The following ST8SIA5 variants were observed in gnomAD, a reference collection of about 807,000 sequenced individuals.
The protein encoded by ST8SIA5 is alpha-2,8-sialyltransferase 8E.
A neutral mutation model predicts 40.2 loss-of-function variants in ST8SIA5; 24 were observed. That is an observed-to-expected ratio of 0.60 (90% CI 0.43 to 0.84). The LOEUF (loss-of-function observed/expected upper bound fraction) is 0.84, where lower values mean the gene tolerates loss of function less well. Ranked by LOEUF, ST8SIA5 falls within the 40% of genes least tolerant of loss-of-function variation. ST8SIA5 has a pLI of 0.00. For synonymous variants in ST8SIA5, 198 were observed against 201.8 expected, an observed-to-expected ratio of 0.98 and a Z score of 0.16; for missense variants, 465 against 498.5, an observed-to-expected ratio of 0.93 and a Z score of 0.64.
At chr18:46,747,164 G>C (rs1228578825) in intron 1 of ST8SIA5, among the ~76,000 whole-genome samples, 1 of 152,128 alleles carries the variant, frequency 6.6e-6, no homozygotes, top group Non-Finnish European at 1.5e-5. Flanking sequence ...GCCTGGGCAA[G>C]GACTTCATGA....
chr18:46,719,909 G>A (rs57415287), intron 1 of ST8SIA5, among the ~76,000 whole-genome samples: 2,158 of 150,750 alleles, frequency 0.014, 57 homozygotes, highest in African/African-American at 0.05. Context: ...CACAATCTGA[G>A]CTCACTGCAG....
At position 46,749,979 on chromosome 18, in the gene ST8SIA5, A is replaced by G. The variant is rs73434908; in HGVS notation, c.131+6399T>C. ...CAACCTGCAGGAGGGCCCTCACCAGAACCCAACCATGCTATCACCTTGATC... is the reference window on the plus strand; with the variant it reads ...CAACCTGCAGGAGGGCCCTCACCAGGACCCAACCATGCTATCACCTTGATC... On this transcript the variant is annotated intron_variant, in intron 1 of 6. Transcript: ENST00000315087. Among the ~76,000 whole-genome samples the G allele has an allele frequency of 6.3e-3, 966 of 152,306 alleles. 14 individuals carry two copies. Among genetic ancestry groups the G allele is most frequent in the African/African-American group, 0.022 (907 of 41,548 alleles).
chr18:46,716,790 A>C (rs560112924), intron 1 of ST8SIA5, among the ~76,000 whole-genome samples: 1 of 152,376 alleles, frequency 6.6e-6, no homozygotes, highest in East Asian at 1.9e-4. Flanking sequence ...CTGTGTGTGC[A>C]ATGACAGAAG....
At chr18:46,719,682 T>TTTTCTTTCTTTCTTTTTC (rs2039833498) in intron 1 of ST8SIA5, among the ~76,000 whole-genome samples, 1 of 107,162 alleles carries the variant, frequency 9.3e-6, no homozygotes, top group South Asian at 3.8e-4. Context: ...TTCTTTTCTT[T>TTTTCTTTCTTTCTTTTTC]TTTCTTTCTT....
At chr18:46,699,971 G>A (rs1170307672) in intron 2 of ST8SIA5, among the ~76,000 whole-genome samples, 2 of 152,232 alleles carry the variant, frequency 1.3e-5, no homozygotes, top group Non-Finnish European at 2.9e-5. Context: ...AGAGCTCCCA[G>A]TGGCAGAAAA....
At chr18:46,691,234 T>G (rs888600145) in intron 3 of ST8SIA5, among the ~76,000 whole-genome samples, 8 of 152,252 alleles carry the variant, frequency 5.3e-5, no homozygotes, top group Non-Finnish European at 7.3e-5. Context: ...GCACCTGATC[T>G]TCAAGTGTTA....
chr18:46,680,572 C>A, intron 6 of ST8SIA5, 62 bp from the exon 7 acceptor site: 1 of 1,474,390 alleles, frequency 6.8e-7, no homozygotes, highest in Middle Eastern at 1.8e-4. Flanking sequence ...CCCCTCGCTT[C>A]CCCACCCTTG....
intron 1 of ST8SIA5, among the ~76,000 whole-genome samples, chr18:46,717,086 C>A (rs554313568): frequency 6.6e-6 from 1 of 152,328 alleles, no homozygotes; most frequent in African/African-American, 2.4e-5. Flanking sequence ...GCAATGCATG[C>A]AACACTGCCC....
rs192168620 is a variant in ST8SIA5, at chr18:46,669,870, A to T, written c.*10172T>A. 8 of 152,266 alleles carry T rather than the reference A, an allele frequency of 5.3e-5. No individual in the cohort carries two copies. The East Asian group carries it at 5.8e-4, about 11-fold the overall frequency. 9.4% of individuals were successfully genotyped at this position (152,266 alleles called of 1,614,324 possible). A position where few individuals can be genotyped will look rare whatever the true frequency, so the allele number is the denominator to read the frequency against. On this transcript the variant is annotated 3_prime_UTR_variant, in exon 7 of 7. Coordinates refer to ENST00000315087, the MANE Select transcript of ST8SIA5 (RefSeq NM_013305.6). ...GCGAATCACGAGGTCAGGAGTTCAC[A>T]ACCAGCCTGGCCAAAATGGTGGCCC...
At chr18:46,723,516 C>T (rs2039884013) in intron 1 of ST8SIA5, among the ~76,000 whole-genome samples, 1 of 152,126 alleles carries the variant, frequency 6.6e-6, no homozygotes, top group Non-Finnish European at 1.5e-5. Context: ...CACACTACTG[C>T]ACTCTAGCCT....
chr18:46,732,417 TG>T (rs2039993733), intron 1 of ST8SIA5, among the ~76,000 whole-genome samples: 1 of 152,186 alleles, frequency 6.6e-6, no homozygotes, highest in African/African-American at 2.4e-5. Context: ...CAGCACACAT[TG>T]GGGTCTTCCC....
chr18:46,686,459 G>A (rs561242807), intron 4 of ST8SIA5, among the ~76,000 whole-genome samples, 173 bp from the exon 5 acceptor site: 2 of 152,326 alleles, frequency 1.3e-5, no homozygotes, highest in South Asian at 4.1e-4. Flanking sequence ...GAGTGGTTGA[G>A]AGTCTTGTTA....
rs2040076565 is a variant in ST8SIA5 at position 46,740,415 on chromosome 18, A to G, written c.131+15963T>C. On this transcript the variant is annotated intron_variant, in intron 1 of 6. Coordinates refer to ENST00000315087, the MANE Select transcript of ST8SIA5 (RefSeq NM_013305.6). The stretch of plus-strand genomic sequence containing the variant: ...TCCTTAGTCATCAGTAATCACAATA[A>G]ATGTAAATATACTAAACTTTCTAAG... Among the ~76,000 whole-genome samples, 5 of 152,342 alleles carry G rather than the reference A, an allele frequency of 3.3e-5. No homozygotes were observed. The South Asian group carries it at 1.0e-3, about 32-fold the overall frequency.
chr18:46,698,560 C>G (rs887873647), intron 2 of ST8SIA5, among the ~76,000 whole-genome samples: 1 of 152,234 alleles, frequency 6.6e-6, no homozygotes, highest in African/African-American at 2.4e-5. Context: ...AACAATCCAA[C>G]AACCCGTCAC....
At chr18:46,749,030 A>G (rs542896927) in intron 1 of ST8SIA5, among the ~76,000 whole-genome samples, 1 of 152,382 alleles carries the variant, frequency 6.6e-6, no homozygotes, top group South Asian at 2.1e-4. Flanking sequence ...TGCAATAAGA[A>G]TAAATGAAGT....
chr18:46,733,954 T>G (rs2040009323), intron 1 of ST8SIA5, among the ~76,000 whole-genome samples: 1 of 152,046 alleles, frequency 6.6e-6, no homozygotes, highest in Non-Finnish European at 1.5e-5. Flanking sequence ...GGAGTCTCTG[T>G]GGGCTGGGCC....
intron 1 of ST8SIA5, among the ~76,000 whole-genome samples, chr18:46,737,527 A>T (rs2040047003): frequency 1.3e-5 from 2 of 152,216 alleles, no homozygotes; most frequent in African/African-American, 4.8e-5. Flanking sequence ...GAATCCATCC[A>T]TTCAACAATT....
intron 1 of ST8SIA5, among the ~76,000 whole-genome samples, chr18:46,746,027 T>A (rs1315792325): frequency 6.6e-6 from 1 of 152,184 alleles, no homozygotes; most frequent in Non-Finnish European, 1.5e-5. Context: ...CTCTTCATGC[T>A]AAAAACTCTC....
chr18:46,717,461 G>A (rs756483447), intron 1 of ST8SIA5, among the ~76,000 whole-genome samples: 6 of 152,066 alleles, frequency 3.9e-5, no homozygotes, highest in Non-Finnish European at 7.4e-5. Flanking sequence ...TCAGCCGCCC[G>A]AGTAGCTGGG....
Sources: gnomAD v4.1 joint callset for allele counts (sites outside exome capture counted in the v4.1 genomes callset) on GRCh38, gnomAD v4.1.1 for gene constraint, MANE v1.5 for transcripts, NCBI Gene and HGNC (gene_info 2026-07-23, HGNC 2026-07-21) for gene names.